The following RESF1 variants were observed in gnomAD, a reference collection of about 807,000 sequenced individuals.
RESF1 encodes gonad expressed transcript.
A neutral mutation model predicts 134.7 loss-of-function variants in RESF1; 65 were observed. The observed-to-expected ratio is 0.48, with a 90% CI of 0.40 to 0.59. The LOEUF (loss-of-function observed/expected upper bound fraction) is 0.59. RESF1 is among the 20% of genes least tolerant of loss of function. The pLI, the probability that RESF1 is intolerant of heterozygous loss-of-function variation, is 0.00. For missense variants in RESF1, 2,274 were observed against 2,002.7 expected (o/e 1.14, Z -2.59); for synonymous variants, 762 against 702.2 (o/e 1.09, Z -1.35).
intron 3 of RESF1, among the ~76,000 whole-genome samples, chr12:31,978,282 C>G (rs868094086): frequency 3.9e-5 from 6 of 151,974 alleles, no homozygotes; most frequent in Non-Finnish European, 7.4e-5. Flanking sequence ...TATTTTTGGG[C>G]ATTGTAATAA....
At position 31,982,914 on chromosome 12, in the gene RESF1, A is replaced by G. The variant is rs1444332625; in HGVS notation, c.1959A>G (p.Gln653=). The G allele has an allele frequency of 4.3e-6, 7 of 1,614,126 alleles. No individual in the cohort carries two copies. Among genetic ancestry groups the G allele is most frequent in the South Asian group, 1.1e-5 (1 of 91,082 alleles). The part of the protein sequence containing the change: ...RVLDNSFCSG[Q]ESSTKGMPAK... ...TGGACAACTCCTTTTGCAGTGGACA[A>G]GAATCCTCAACAAAAGGAATGCCTG... The change falls in exon 4 of 6, where the codon CAA becomes CAG. Residue 653 remains glutamine, a synonymous_variant. Coordinates refer to ENST00000312561, the MANE Select transcript of RESF1 (RefSeq NM_018169.4).
intron 2 of RESF1, 82 bp from the exon 3 acceptor site, chr12:31,970,107 A>T (rs1451558607): frequency 6.6e-6 from 1 of 152,220 alleles, no homozygotes; most frequent in East Asian, 1.9e-4. Flanking sequence ...AATATTTTTT[A>T]AATTTCACAG....
At chr12:31,966,752 C>G (rs1428557102) in intron 2 of RESF1, among the ~76,000 whole-genome samples, 11 of 152,154 alleles carry the variant, frequency 7.2e-5, no homozygotes, top group Admixed American at 4.6e-4. Flanking sequence ...CTGGGAATCA[C>G]GATTGCAGGC....
At chr12:31,965,150 T>G (rs994482438) in intron 2 of RESF1, among the ~76,000 whole-genome samples, 4 of 152,002 alleles carry the variant, frequency 2.6e-5, no homozygotes, top group African/African-American at 9.7e-5. Flanking sequence ...AGAGGCGAGG[T>G]TTCACCATGT....
chr12:31,991,747 C>T (rs911012358), intron 5 of RESF1, among the ~76,000 whole-genome samples: 7 of 152,148 alleles, frequency 4.6e-5, no homozygotes, highest in Non-Finnish European at 7.4e-5. Flanking sequence ...AACAGGGTTT[C>T]GCCATGTTGG....
In RESF1 at chr12:31,981,766, A is replaced by T. The variant is rs779095551; in HGVS notation, c.811A>T (p.Thr271Ser). Residue 271 changes from threonine to serine, a missense_variant, in exon 4 of 6, where the codon ACG (threonine) becomes TCG (serine). Physicochemically the swap from Thr to Ser is moderately conservative, Grantham distance 58. Transcript: ENST00000312561. ...AGCTGTACCATCACAGCAGTATGCC[A>T]CGCAAACTGACAAAAGACCTCCTCC... ...TSAVPSQQYATQTDKRPPPPP... is the reference protein window; with the variant it reads ...TSAVPSQQYASQTDKRPPPPP... 3 of 1,613,818 alleles carry T rather than the reference A, an allele frequency of 1.9e-6. No homozygotes were observed. In the South Asian group the frequency reaches 3.3e-5, roughly 18 times the overall value.
At chr12:31,990,927 G>T (rs957500033) in intron 5 of RESF1, among the ~76,000 whole-genome samples, 1 of 152,186 alleles carries the variant, frequency 6.6e-6, no homozygotes, top group Non-Finnish European at 1.5e-5. Flanking sequence ...CCTGGTGTGG[G>T]GCCCATGTGT....
In RESF1 at chr12:31,965,226, G is replaced by C. The variant is rs188479114; in HGVS notation, c.-247+4355G>C. ...CGTGCCTCTGCCTCCCAAAGTGCTG[G>C]AATTACAGGCGTGAGCCACTGCTCC... On this transcript the variant is annotated intron_variant, in intron 2 of 5. Coordinates refer to ENST00000312561, the MANE Select transcript of RESF1 (RefSeq NM_018169.4). Among the ~76,000 whole-genome samples the C allele has an allele frequency of 2.6e-4, 40 of 152,230 alleles. No individual in the cohort carries two copies. In the East Asian group the frequency reaches 7.5e-3, roughly 29 times the overall value.
rs1007826578 is a variant in RESF1 at position 31,960,767 on chromosome 12, C to T, written c.-341-10C>T. On this transcript the variant is annotated splice_polypyrimidine_tract_variant and intron_variant, in intron 1 of 5. Transcript: ENST00000312561. ...CTCTTTTATTATAAAATGTTTCTTG[C>T]TGTCCCTAGGACCAAAGAAGTAAAC... is the stretch of plus-strand genomic sequence containing the variant. The T allele has an allele frequency of 6.6e-6, 1 of 152,208 alleles. No individual in the cohort carries two copies. Among genetic ancestry groups the T allele is most frequent in the Non-Finnish European group, 1.5e-5 (1 of 68,040 alleles). 9.4% of individuals were successfully genotyped at this position (152,208 alleles called of 1,614,324 possible). A position where few individuals can be genotyped will look rare whatever the true frequency, so the allele number is the denominator to read the frequency against.
rs1013444585 is a variant in RESF1 at position 31,983,741 on chromosome 12, C to T, written c.2786C>T (p.Pro929Leu). The T allele has an allele frequency of 1.2e-6, 2 of 1,613,634 alleles. No homozygotes were observed. Among genetic ancestry groups the T allele is most frequent in the Non-Finnish European group, 1.7e-6 (2 of 1,179,984 alleles). ...GTTGAGCCACAGAAACCTTCTCTAC[C>T]CAATCAGCAAGGGATTGGCAGCAGA... The part of the protein sequence containing the change: ...KMVEPQKPSL[P>L]NQQGIGSREP... The change falls in exon 4 of 6, where the codon CCC becomes CTC. Residue 929 changes from proline (P) to leucine (L), a missense_variant. Coordinates refer to ENST00000312561, the MANE Select transcript of RESF1 (RefSeq NM_018169.4).
Position 31,983,129 on chromosome 12 carries a change from C to T in RESF1, c.2174C>T (p.Ser725Phe). 1 of 1,610,876 alleles carries T rather than the reference C, an allele frequency of 6.2e-7. No individual in the cohort carries two copies. The highest frequency in any genetic ancestry group is 1.1e-5 in the South Asian group (1 of 90,656). The change falls in exon 4 of 6, where the codon TCT becomes TTT. Residue 725 changes from serine (S) to phenylalanine (F), a missense_variant. Ser to Phe is a radical substitution (Grantham distance 155). Coordinates refer to ENST00000312561, the MANE Select transcript of RESF1 (RefSeq NM_018169.4). Reference protein sequence around the residue: ...SPCSVVGNSNSQNKISNPSQQ... With the variant: ...SPCSVVGNSNFQNKISNPSQQ... ...TGTTCAGTTGTGGGAAATTCAAATT[C>T]TCAGAATAAAATAAGTAATCCCTCA...
rs3075963 is a variant in RESF1 at position 31,977,801 on chromosome 12, C to CTTTTT, written c.-78-3060_-78-3056dup. Among the ~76,000 whole-genome samples the CTTTTT allele has an allele frequency of 5.5e-4, 68 of 124,336 alleles. 1 individual carries two copies. The highest frequency in any genetic ancestry group is 2.2e-3 in the South Asian group (8 of 3,620). The allele number at this position is 124,336 out of a possible 152,430, so 81.6% of individuals were successfully genotyped here. Reference sequence around the variant, plus strand: ...ACTCTTAATTACTTTTTCTTTCTTTCTTTTTTTTTTTTTTTTTTTTTGAGA... The same window carrying CTTTTT: ...ACTCTTAATTACTTTTTCTTTCTTTCTTTTTTTTTTTTTTTTTTTTTTTTTTGAGA... On this transcript the variant is annotated intron_variant, in intron 3 of 5. Transcript: ENST00000312561.
At chr12:31,963,467 G>T (rs1939327822) in intron 2 of RESF1, among the ~76,000 whole-genome samples, 1 of 152,110 alleles carries the variant, frequency 6.6e-6, no homozygotes, top group South Asian at 2.1e-4. Flanking sequence ...CCTCTGCTTT[G>T]GTTTTCAGGC....
intron 5 of RESF1, among the ~76,000 whole-genome samples, chr12:31,991,631 G>A (rs959153977): frequency 6.6e-6 from 1 of 152,106 alleles, no homozygotes; most frequent in African/African-American, 2.4e-5. Context: ...TTGTTTGTTT[G>A]TTTGTTTTTT....
In RESF1 at chr12:31,984,938, C is replaced by A. The variant is rs375083797; in HGVS notation, c.3983C>A (p.Thr1328Lys). ...GAAACCCGACAGAAGAAACATGTAACACAGAACTCACGTCCACTAAAAACA... is the reference window on the plus strand; with the variant it reads ...GAAACCCGACAGAAGAAACATGTAAAACAGAACTCACGTCCACTAAAAACA... ...SQETRQKKHV[T>K]QNSRPLKTKT... Residue 1328 changes from threonine (T) to lysine (K), a missense_variant, in exon 4 of 6, where the codon ACA becomes AAA. Coordinates refer to ENST00000312561, the MANE Select transcript of RESF1 (RefSeq NM_018169.4). The A allele has an allele frequency of 6.2e-7, 1 of 1,613,424 alleles. No homozygotes were observed. Among genetic ancestry groups the A allele is most frequent in the African/African-American group, 1.3e-5 (1 of 74,998 alleles).
Position 31,983,540 on chromosome 12 carries a change from T to C in RESF1, c.2585T>C (p.Leu862Ser), listed in dbSNP as rs1469617503. ...PNVNQGKHNK[L>S]ESAIHSPMND... ...GTCAATCAAGGAAAGCATAACAAATTAGAGTCAGCTATCCATTCTCCTATG... is the reference window on the plus strand; with the variant it reads ...GTCAATCAAGGAAAGCATAACAAATCAGAGTCAGCTATCCATTCTCCTATG... Residue 862 changes from leucine (L) to serine (S), a missense_variant, in exon 4 of 6, where the codon TTA (leucine) becomes TCA (serine). Physicochemically the swap from Leu to Ser is moderately radical, Grantham distance 145. Coordinates refer to ENST00000312561, the MANE Select transcript of RESF1 (RefSeq NM_018169.4). The C allele has an allele frequency of 1.2e-6, 2 of 1,613,950 alleles. No individual in the cohort carries two copies. The highest frequency in any genetic ancestry group is 2.7e-5 in the African/African-American group (2 of 74,914).
chr12:31,965,976 C>T (rs1939390521), intron 2 of RESF1, among the ~76,000 whole-genome samples: 1 of 151,972 alleles, frequency 6.6e-6, no homozygotes, highest in Non-Finnish European at 1.5e-5. Context: ...TACCCGCCTG[C>T]CACACACTGA....
At chr12:31,968,700 T>G (rs4931588) in intron 2 of RESF1, among the ~76,000 whole-genome samples, 99,969 of 151,856 alleles carry the variant, frequency 0.66, 32,982 homozygotes, top group East Asian at 0.82. Flanking sequence ...CGCCCGCCTC[T>G]GCCTCCCAAA....
At chr12:31,970,753 T>G (rs1266949875) in intron 3 of RESF1, among the ~76,000 whole-genome samples, 1 of 152,246 alleles carries the variant, frequency 6.6e-6, no homozygotes, top group Non-Finnish European at 1.5e-5. Context: ...GATGCAAGTT[T>G]TCTTGCACTT....
Sources: gnomAD v4.1 joint callset for allele counts (sites outside exome capture counted in the v4.1 genomes callset) on GRCh38, gnomAD v4.1.1 for gene constraint, MANE v1.5 for transcripts, NCBI Gene and HGNC (gene_info 2026-07-23, HGNC 2026-07-21) for gene names.